Variants in FILIP1L observed in about 807,000 individuals in gnomAD.
The protein encoded by FILIP1L is filamin A interacting protein 1 like.
A neutral mutation model predicts 96.6 loss-of-function variants in FILIP1L; 55 were observed. That is an observed-to-expected ratio of 0.57 (90% CI 0.46 to 0.71). FILIP1L has a LOEUF of 0.71. Among genes scored for constraint, FILIP1L ranks in the 30% least tolerant of loss-of-function variants. FILIP1L has a pLI of 0.00. For missense variants in FILIP1L, 1,304 were observed against 1,321.2 expected (o/e 0.99, Z 0.20); for synonymous variants, 467 against 473.9 (o/e 0.99, Z 0.19).
chr3:99,981,272 G>A lies in FILIP1L; in HGVS notation c.-10-50242C>T, dbSNP rs145375091. 2.4e-3 allele frequency among the ~76,000 whole-genome samples: 365 copies of A among 152,184 alleles called. 1 individual carries two copies. The highest frequency in any genetic ancestry group is 8.3e-3 in the African/African-American group (344 of 41,552). ...TGCTAAACTTGTCCCTGGCCTCCTG[G>A]CAAACTCCTACTTAATCCTCAGGAC... On this transcript the variant is annotated intron_variant, in intron 1 of 5. Coordinates refer to ENST00000477258, the MANE Select transcript of FILIP1L (RefSeq NM_001387850.1).
At chr3:100,053,605 T>C (rs2065410821) in intron 1 of FILIP1L, among the ~76,000 whole-genome samples, 1 of 152,186 alleles carries the variant, frequency 6.6e-6, no homozygotes, top group Non-Finnish European at 1.5e-5. Context: ...ATTCACAGGT[T>C]TTGCTAGGTG....
At chr3:100,076,813 T>C (rs1287001045) in intron 1 of FILIP1L, among the ~76,000 whole-genome samples, 2 of 152,242 alleles carry the variant, frequency 1.3e-5, no homozygotes, top group African/African-American at 2.4e-5. Context: ...ATAAGATCTT[T>C]TGTGCAGCCT....
chr3:100,059,623 C>CG (rs1328873048), intron 1 of FILIP1L, among the ~76,000 whole-genome samples: 7 of 152,166 alleles, frequency 4.6e-5, no homozygotes, highest in Middle Eastern at 3.4e-3. Flanking sequence ...AGCCAGAAGG[C>CG]GGGGGCCAAG....
intron 1 of FILIP1L, among the ~76,000 whole-genome samples, chr3:99,955,613 T>C (rs1041733634): frequency 6.6e-6 from 1 of 152,174 alleles, no homozygotes; most frequent in Non-Finnish European, 1.5e-5. Flanking sequence ...TGAAAAAAAT[T>C]AATCATATTT....
intron 1 of FILIP1L, among the ~76,000 whole-genome samples, chr3:100,008,788 T>A (rs777241108): frequency 6.6e-6 from 1 of 152,220 alleles, no homozygotes; most frequent in Non-Finnish European, 1.5e-5. Flanking sequence ...GCCCTTGTAT[T>A]TTGCGTGCAG....
chr3:99,835,997 G>A (rs1261489120), intron 5 of FILIP1L, among the ~76,000 whole-genome samples: 1 of 152,116 alleles, frequency 6.6e-6, no homozygotes, highest in Non-Finnish European at 1.5e-5. Context: ...AGATGTGAGG[G>A]TATGTCCAGA....
chr3:99,974,686 A>C (rs1708918975), intron 1 of FILIP1L, among the ~76,000 whole-genome samples: 3 of 152,310 alleles, frequency 2.0e-5, no homozygotes, highest in African/African-American at 7.2e-5. Context: ...CAGCCTGAGT[A>C]ACAAGAGCGA....
At chr3:99,894,755 A>G (rs1486547758) in intron 4 of FILIP1L, among the ~76,000 whole-genome samples, 4 of 152,192 alleles carry the variant, frequency 2.6e-5, no homozygotes, top group African/African-American at 9.7e-5. Flanking sequence ...TGAAAACTCC[A>G]TTTAGGTAAC....
At chr3:99,976,465 A>G (rs540376147) in intron 1 of FILIP1L, among the ~76,000 whole-genome samples, 1 of 152,272 alleles carries the variant, frequency 6.6e-6, no homozygotes, top group East Asian at 1.9e-4. Flanking sequence ...ATTGCAGCCA[A>G]ACTACTACTA....
chr3:100,074,042 G>C (rs1158406440), intron 1 of FILIP1L, among the ~76,000 whole-genome samples: 2 of 152,082 alleles, frequency 1.3e-5, no homozygotes, highest in African/African-American at 4.8e-5. Context: ...ACTGTTAACT[G>C]CGGGAAAAGG....
rs77168664 is a variant in FILIP1L at position 99,867,188 on chromosome 3, C to T, written c.606-16118G>A. On this transcript the variant is annotated intron_variant, in intron 4 of 5. Transcript: ENST00000477258. ...GCTAGAGGTGAGAGCAATGACTGTA[C>T]CCCACTTCTCTTGGCCCTGGGTCTG... Among the ~76,000 whole-genome samples the T allele has an allele frequency of 4.5e-3, 688 of 152,282 alleles. 7 individuals carry two copies. Among genetic ancestry groups the T allele is most frequent in the African/African-American group, 0.016 (674 of 41,564 alleles).
rs529778383 is a variant in FILIP1L at position 100,004,137 on chromosome 3, G to C, written c.-10-73107C>G. Among the ~76,000 whole-genome samples the C allele has an allele frequency of 3.3e-5, 5 of 152,214 alleles. No individual in the cohort carries two copies. The South Asian group carries it at 6.2e-4, about 19-fold the overall frequency. The stretch of plus-strand genomic sequence containing the variant: ...TGGCTTCCTGCATGATGCCTTCCTA[G>C]GGGATTTGCAAGGTAATTTTGACAT... On this transcript the variant is annotated intron_variant, in intron 1 of 5. Coordinates refer to ENST00000477258, the MANE Select transcript of FILIP1L (RefSeq NM_001387850.1).
intron 1 of FILIP1L, among the ~76,000 whole-genome samples, chr3:99,941,039 C>G (rs551612568): frequency 1.3e-5 from 2 of 152,350 alleles, no homozygotes; most frequent in Admixed American, 1.3e-4. Context: ...CTATAACTGG[C>G]AGAAAGTTTA....
intron 1 of FILIP1L, chr3:100,023,554 G>T (rs1031245119): frequency 4.6e-5 from 7 of 152,574 alleles, no homozygotes; most frequent in East Asian, 1.9e-4. Context: ...CAGTTTCTTG[G>T]GGGGAGAGAA....
chr3:99,901,302 C>T (rs1360458854), intron 4 of FILIP1L, among the ~76,000 whole-genome samples: 1 of 152,162 alleles, frequency 6.6e-6, no homozygotes, highest in Non-Finnish European at 1.5e-5. Context: ...CTTTACTAAA[C>T]TGTTTAGGAA....
At chr3:99,884,777 A>G (rs1679673912) in intron 4 of FILIP1L, among the ~76,000 whole-genome samples, 1 of 152,226 alleles carries the variant, frequency 6.6e-6, no homozygotes, top group Non-Finnish European at 1.5e-5. Flanking sequence ...CAATTTAACC[A>G]TTGAGGCAAA....
At chr3:100,006,472 A>AG (rs1160487247) in intron 1 of FILIP1L, among the ~76,000 whole-genome samples, 1 of 152,024 alleles carries the variant, frequency 6.6e-6, no homozygotes, top group Non-Finnish European at 1.5e-5. Flanking sequence ...GCTTTTCATG[A>AG]GGTTATCATC....
intron 1 of FILIP1L, among the ~76,000 whole-genome samples, chr3:100,099,684 A>G (rs945112244): frequency 2.6e-5 from 4 of 152,170 alleles, no homozygotes; most frequent in African/African-American, 9.7e-5. Flanking sequence ...TATTCATTCC[A>G]TAAATATTTA....
intron 1 of FILIP1L, among the ~76,000 whole-genome samples, chr3:99,981,143 C>T (rs1282840335): frequency 6.6e-6 from 1 of 152,186 alleles, no homozygotes; most frequent in African/African-American, 2.4e-5. Context: ...CACTGAGCCT[C>T]ACAAACACCC....
Sources: gnomAD v4.1 joint callset for allele counts (sites outside exome capture counted in the v4.1 genomes callset) on GRCh38, gnomAD v4.1.1 for gene constraint, MANE v1.5 for transcripts, NCBI Gene and HGNC (gene_info 2026-07-23, HGNC 2026-07-21) for gene names.